The following SDHC variants were observed in gnomAD, a reference collection of about 807,000 sequenced individuals.
The protein encoded by SDHC is succinate dehydrogenase complex subunit C, also known as succinate dehydrogenase cytochrome b560 subunit, mitochondrial.
In SDHC, 11 loss-of-function variants were observed where a neutral mutation model predicts 22.6. The ratio of observed to expected loss-of-function variants is 0.49; its 90% CI spans 0.31 to 0.81. The LOEUF is 0.81. Among genes scored for constraint, SDHC ranks in the 30% least tolerant of loss-of-function variants. The pLI, the probability that SDHC is intolerant of heterozygous loss-of-function variation, is 0.05. For synonymous variants in SDHC, 80 were observed against 77.8 expected (o/e 1.03, Z -0.15); for missense variants, 160 against 212.0 (o/e 0.75, Z 1.52).
At position 161,323,636 on chromosome 1, in the gene SDHC, C is replaced by T. The variant is rs201286421; in HGVS notation, c.43C>T (p.Arg15Ter). Residue 15 changes from arginine to a stop codon, truncating the protein, a stop_gained, in exon 2 of 6, where the codon CGA becomes TGA. Coordinates refer to ENST00000367975, the MANE Select transcript of SDHC (RefSeq NM_003001.5). LOFTEE classifies it high-confidence loss of function. ...LLRHVGRHCL[R>*]AHFSPQLCIR... ...CAGACACGTTGGTCGTCATTGCCTCCGAGCCCACTTTAGCCCTCAGCTCTG... is the reference window on the plus strand; with the variant it reads ...CAGACACGTTGGTCGTCATTGCCTCTGAGCCCACTTTAGCCCTCAGCTCTG... 7.4e-6 allele frequency: 12 copies of T among 1,613,460 alleles called. No homozygotes were observed. The highest frequency in any genetic ancestry group is 1.1e-5 in the South Asian group (1 of 91,066).
At chr1:161,360,958 C>G (rs1229645133) in intron 5 of SDHC, among the ~76,000 whole-genome samples, 1 of 151,920 alleles carries the variant, frequency 6.6e-6, no homozygotes, top group East Asian at 1.9e-4. Context: ...ACTAAAAATA[C>G]AAAAATTAGC....
At chr1:161,323,258 A>G (rs1670907364) in intron 1 of SDHC, among the ~76,000 whole-genome samples, 1 of 152,098 alleles carries the variant, frequency 6.6e-6, no homozygotes, top group South Asian at 2.1e-4. Flanking sequence ...TCGGCCTCCC[A>G]AAGTGCTGGG....
intron 3 of SDHC, among the ~76,000 whole-genome samples, chr1:161,338,162 T>G (rs1455541556): frequency 1.3e-5 from 2 of 152,236 alleles, no homozygotes; most frequent in Non-Finnish European, 2.9e-5. Context: ...CCACCTTTTA[T>G]ATTTCTGTTG....
In SDHC at chr1:161,334,655, C is replaced by G. The variant is rs1286441375; in HGVS notation, c.180-5939C>G. Among the ~76,000 whole-genome samples the G allele has an allele frequency of 3.9e-5, 6 of 152,232 alleles. 1 individual carries two copies. In the East Asian group the frequency reaches 1.2e-3, roughly 29 times the overall value. On this transcript the variant is annotated intron_variant, in intron 3 of 5. Transcript: ENST00000367975. ...AGTTTGGCCATGTTGCTCAAGCTGG[C>G]TTTGAGCTCCTGGGCTCAAGCTGTC...
At chr1:161,325,399 G>A (rs891051866) in intron 2 of SDHC, among the ~76,000 whole-genome samples, 1 of 151,862 alleles carries the variant, frequency 6.6e-6, no homozygotes, top group Admixed American at 6.6e-5. Context: ...AATTTAGTAG[G>A]CTGGGCATGG....
At chr1:161,321,126 A>G (rs1404043923) in intron 1 of SDHC, among the ~76,000 whole-genome samples, 1 of 152,118 alleles carries the variant, frequency 6.6e-6, no homozygotes, top group Non-Finnish European at 1.5e-5. Flanking sequence ...CGCCCGGCCC[A>G]GTCTTGATTT....
chr1:161,320,280 G>C (rs375981017), intron 1 of SDHC, among the ~76,000 whole-genome samples: 1 of 152,056 alleles, frequency 6.6e-6, no homozygotes, highest in Non-Finnish European at 1.5e-5. Flanking sequence ...TTTGGTAGTT[G>C]GGTGGTAATA....
chr1:161,314,744 ATAACT>A (rs1028624145), intron 1 of SDHC: 2 of 423,648 alleles, frequency 4.7e-6, no homozygotes, highest in African/African-American at 4.0e-5. Context: ...CTCTGAGAAA[ATAACT>A]TCAAGGTCAG....
chr1:161,317,104 C>G (rs1376094398), intron 1 of SDHC, among the ~76,000 whole-genome samples: 1 of 151,168 alleles, frequency 6.6e-6, no homozygotes, highest in Non-Finnish European at 1.5e-5. Context: ...CTGCAACCGC[C>G]CCTGCCCGGG....
intron 1 of SDHC, among the ~76,000 whole-genome samples, chr1:161,317,085 CT>C (rs1456379965): frequency 6.7e-6 from 1 of 149,188 alleles, no homozygotes; most frequent in Non-Finnish European, 1.5e-5. Flanking sequence ...GTGGCACGAT[CT>C]TGGCTCACTG....
intron 1 of SDHC, among the ~76,000 whole-genome samples, chr1:161,318,376 A>G (rs16832814): frequency 0.015 from 2,258 of 152,188 alleles, 53 homozygotes; most frequent in African/African-American, 0.052. Context: ...TCTATTTTGT[A>G]TGTTCTCTAA....
chr1:161,341,077 T>C (rs1301060400), intron 4 of SDHC, among the ~76,000 whole-genome samples: 1 of 152,162 alleles, frequency 6.6e-6, no homozygotes, highest in South Asian at 2.1e-4. Flanking sequence ...TCTGACCTCA[T>C]GATCCGCCTG....
At chr1:161,340,904 C>T (rs548719262) in intron 4 of SDHC, among the ~76,000 whole-genome samples, 19 of 152,250 alleles carry the variant, frequency 1.2e-4, no homozygotes, top group African/African-American at 4.3e-4. Flanking sequence ...AGTGCAGTGG[C>T]GCGATCTCGG....
intron 4 of SDHC, 70 bp from the exon 5 acceptor site, chr1:161,356,607 C>G (rs2102369945): frequency 6.7e-7 from 1 of 1,491,346 alleles, no homozygotes; most frequent in Non-Finnish European, 9.3e-7. Context: ...TGCCAGGGGT[C>G]CCAGTTTTAT....
At chr1:161,354,361 C>T (rs1386791645) in intron 4 of SDHC, among the ~76,000 whole-genome samples, 4 of 152,156 alleles carry the variant, frequency 2.6e-5, no homozygotes, top group Non-Finnish European at 4.4e-5. Context: ...CTACCTTGAG[C>T]TAGTAGTGGT....
At chr1:161,347,600 G>A (rs1671946177) in intron 4 of SDHC, among the ~76,000 whole-genome samples, 1 of 149,962 alleles carries the variant, frequency 6.7e-6, no homozygotes, top group Admixed American at 6.7e-5. Flanking sequence ...AGGCGCGGTG[G>A]CTCACACCTG....
At chr1:161,319,999 A>C (rs200938804) in intron 1 of SDHC, among the ~76,000 whole-genome samples, 41 of 152,302 alleles carry the variant, frequency 2.7e-4, no homozygotes, top group East Asian at 1.9e-3. Flanking sequence ...GAAATTGTTA[A>C]AGACTTTTAG....
At chr1:161,316,833 C>T (rs1268492726) in intron 1 of SDHC, among the ~76,000 whole-genome samples, 1 of 152,084 alleles carries the variant, frequency 6.6e-6, no homozygotes, top group Non-Finnish European at 1.5e-5. Flanking sequence ...AAAATACCTT[C>T]TGAGAAATCC....
At chr1:161,324,369 A>G (rs1670972520) in intron 2 of SDHC, among the ~76,000 whole-genome samples, 1 of 152,182 alleles carries the variant, frequency 6.6e-6, no homozygotes, top group Non-Finnish European at 1.5e-5. Context: ...CTCGGCTGGG[A>G]TTATAGGCAT....
Sources: allele counts gnomAD v4.1 joint callset (sites outside exome capture counted in the v4.1 genomes callset), GRCh38; gene constraint gnomAD v4.1.1; transcripts MANE v1.5; gene names NCBI Gene and HGNC (gene_info 2026-07-23, HGNC 2026-07-21).